Variants in ADAMTS12 observed in about 807,000 individuals in gnomAD.
The protein encoded by ADAMTS12 is A disintegrin and metalloproteinase with thrombospondin motifs 12.
In ADAMTS12, 118 loss-of-function variants were observed where a neutral mutation model predicts 167.8. That is an observed-to-expected ratio of 0.70 (90% CI 0.61 to 0.82). ADAMTS12 has a LOEUF of 0.82. ADAMTS12 is among the 40% of genes least tolerant of loss of function. The probability of loss-of-function intolerance (pLI) is 0.00; values close to 1 mark genes in which losing one functional copy is unlikely to be tolerated. For synonymous variants in ADAMTS12, 704 were observed against 716.9 expected (o/e 0.98, Z 0.29); for missense variants, 1,916 against 1,998.8 (o/e 0.96, Z 0.79).
At chr5:33,620,074 A>C (rs1579757335) in intron 14 of ADAMTS12, among the ~76,000 whole-genome samples, 1 of 152,344 alleles carries the variant, frequency 6.6e-6, no homozygotes, top group East Asian at 1.9e-4. Context: ...ACCGATGTGA[A>C]AGCTACATGA....
rs1743847592 is a variant in ADAMTS12 at position 33,526,965 on chromosome 5, T to G, written c.*223A>C. The G allele has an allele frequency of 1.9e-6, 1 of 539,204 alleles. No individual in the cohort carries two copies. The highest frequency in any genetic ancestry group is 2.7e-5 in the South Asian group (1 of 37,580). The allele number at this position is 539,204 out of a possible 1,614,324, so 33.4% of individuals were successfully genotyped here. On this transcript the variant is annotated 3_prime_UTR_variant, in exon 24 of 24. Transcript: ENST00000504830. ...GATACCAGGTGCTGCCTGATTCTCC[T>G]AGCTATTTCACCTTCCTATCAGGGA...
intron 2 of ADAMTS12, among the ~76,000 whole-genome samples, chr5:33,780,806 TAAG>T (rs1303145010): frequency 6.6e-6 from 1 of 152,186 alleles, no homozygotes; most frequent in African/African-American, 2.4e-5. Flanking sequence ...AGCTCTCTCG[TAAG>T]AAGAGTCTAA....
chr5:33,760,826 A>C (rs2112408088), intron 2 of ADAMTS12, among the ~76,000 whole-genome samples: 1 of 152,086 alleles, frequency 6.6e-6, no homozygotes, highest in African/African-American at 2.4e-5. Flanking sequence ...CTTGCACCCA[A>C]CAATCTTCTA....
intron 2 of ADAMTS12, among the ~76,000 whole-genome samples, chr5:33,788,455 A>C (rs1746412426): frequency 6.6e-6 from 1 of 152,168 alleles, no homozygotes; most frequent in Non-Finnish European, 1.5e-5. Context: ...GAGAGAGAAA[A>C]GAAGGGGAGA....
chr5:33,674,793 G>A (rs984724233), intron 5 of ADAMTS12, among the ~76,000 whole-genome samples: 4 of 152,146 alleles, frequency 2.6e-5, no homozygotes, highest in African/African-American at 9.7e-5. Flanking sequence ...ATAAAAGCAT[G>A]GCAGACTAAC....
intron 5 of ADAMTS12, among the ~76,000 whole-genome samples, chr5:33,682,239 G>A (rs10078277): frequency 0.053 from 8,049 of 152,268 alleles, 441 homozygotes; most frequent in East Asian, 0.17. Flanking sequence ...TAACCAATGC[G>A]TAATAGTACT....
In ADAMTS12 at chr5:33,614,314, A is replaced by C. The variant is rs1393738690; in HGVS notation, c.2451T>G (p.Leu817=). The C allele has an allele frequency of 6.2e-7, 1 of 1,614,120 alleles. No individual in the cohort carries two copies. Among genetic ancestry groups the C allele is most frequent in the Non-Finnish European group, 8.5e-7 (1 of 1,179,994 alleles). The change falls in exon 16 of 24, where the codon CTT becomes CTG. Residue 817 remains leucine, a synonymous_variant. Coordinates refer to ENST00000504830, the MANE Select transcript of ADAMTS12 (RefSeq NM_030955.4). ...ACATCTGCTGCTCAACATCATTGTC[A>C]AGGCCATCTTTCTGGATTGTGTACT... The part of the protein sequence containing the change: ...KYEYTIQKDG[L]DNDVEQQMYF...
At chr5:33,720,413 T>C (rs1186274221) in intron 3 of ADAMTS12, among the ~76,000 whole-genome samples, 3 of 152,022 alleles carry the variant, frequency 2.0e-5, no homozygotes, top group East Asian at 1.9e-4. Context: ...AGTTCAACCA[T>C]AAATAGGTCA....
chr5:33,577,576 G>A (rs1043059056), intron 18 of ADAMTS12, among the ~76,000 whole-genome samples: 4 of 152,152 alleles, frequency 2.6e-5, no homozygotes, highest in Admixed American at 1.3e-4. Flanking sequence ...TCTGGAATAT[G>A]AAATTCGGTA....
At chr5:33,578,934 T>C (rs1476853605) in intron 18 of ADAMTS12, among the ~76,000 whole-genome samples, 1 of 152,170 alleles carries the variant, frequency 6.6e-6, no homozygotes, top group Non-Finnish European at 1.5e-5. Flanking sequence ...CAGATTTGTT[T>C]TGAAATAATA....
At chr5:33,836,333 G>A (rs1192247496) in intron 2 of ADAMTS12, among the ~76,000 whole-genome samples, 1 of 152,174 alleles carries the variant, frequency 6.6e-6, no homozygotes, top group Non-Finnish European at 1.5e-5. Context: ...GGCTGGACGA[G>A]CCTTCTCCAA....
intron 8 of ADAMTS12, 44 bp from the exon 9 acceptor site, chr5:33,649,010 C>A: frequency 6.2e-7 from 1 of 1,603,270 alleles, no homozygotes; most frequent in Non-Finnish European, 8.5e-7. Flanking sequence ...TTTAGGATTC[C>A]CTTTACCTTC....
intron 2 of ADAMTS12, among the ~76,000 whole-genome samples, chr5:33,818,217 A>G (rs1433306947): frequency 6.6e-6 from 1 of 152,044 alleles, no homozygotes; most frequent in Admixed American, 6.6e-5. Context: ...AAACTATTTT[A>G]TATATATCTT....
At chr5:33,547,390 T>C (rs982985372) in intron 21 of ADAMTS12, among the ~76,000 whole-genome samples, 2 of 152,156 alleles carry the variant, frequency 1.3e-5, no homozygotes, top group African/African-American at 4.8e-5. Flanking sequence ...CAGGTTGTCC[T>C]GAAGCATGAT....
intron 16 of ADAMTS12, among the ~76,000 whole-genome samples, chr5:33,606,239 C>G (rs10077285): frequency 6.6e-6 from 1 of 152,046 alleles, no homozygotes; most frequent in Non-Finnish European, 1.5e-5. Context: ...TGAGCCACTG[C>G]GCCCATCCCA....
intron 2 of ADAMTS12, among the ~76,000 whole-genome samples, chr5:33,811,079 T>A (rs189947628): frequency 6.6e-6 from 1 of 152,306 alleles, no homozygotes; most frequent in Admixed American, 6.5e-5. Flanking sequence ...CTGCTCGTGA[T>A]CTTGGACTCT....
At chr5:33,748,420 A>G (rs1017432376) in intron 3 of ADAMTS12, among the ~76,000 whole-genome samples, 1 of 152,230 alleles carries the variant, frequency 6.6e-6, no homozygotes, top group Non-Finnish European at 1.5e-5. Flanking sequence ...CAAAACTAGC[A>G]TAACAACTTA....
chr5:33,690,584 G>T (rs1161298029), intron 3 of ADAMTS12, among the ~76,000 whole-genome samples: 1 of 152,138 alleles, frequency 6.6e-6, no homozygotes, highest in Admixed American at 6.5e-5. Context: ...TGGGACACAT[G>T]ACTCTTCCCA....
chr5:33,702,944 A>C (rs6451018), intron 3 of ADAMTS12, among the ~76,000 whole-genome samples: 130,823 of 152,158 alleles, frequency 0.86, 56,516 homozygotes, highest in Non-Finnish European at 0.89. Context: ...TCTACAGGCA[A>C]AACCATGGGT....
Sources: gnomAD v4.1 joint callset for allele counts (sites outside exome capture counted in the v4.1 genomes callset) on GRCh38, gnomAD v4.1.1 for gene constraint, MANE v1.5 for transcripts, NCBI Gene and HGNC (gene_info 2026-07-23, HGNC 2026-07-21) for gene names.